The following FTO variants were observed in gnomAD, a reference collection of about 807,000 sequenced individuals.
FTO encodes FTO alpha-ketoglutarate dependent dioxygenase.
FTO carries 47 observed loss-of-function variants against 63.9 expected under a neutral mutation model. The observed-to-expected ratio is 0.74, with a 90% CI of 0.58 to 0.94. The LOEUF (loss-of-function observed/expected upper bound fraction) is 0.94. Ranked by LOEUF, FTO falls within the 40% of genes least tolerant of loss-of-function variation. The pLI, the probability that FTO is intolerant of heterozygous loss-of-function variation, is 0.00. For missense variants in FTO, 562 were observed against 618.1 expected (o/e 0.91, Z 0.96); for synonymous variants, 207 against 224.4 (o/e 0.92, Z 0.69).
intron 1 of FTO, chr16:53,711,421 C>G (rs2075774257): frequency 2.5e-6 from 1 of 398,458 alleles, no homozygotes; most frequent in South Asian, 1.3e-4. Flanking sequence ...ATGGCAGACA[C>G]AGTCCCATGG....
chr16:53,760,205 GGTGTGTGTGTGTGTGTGTGTGTGTGT>G (rs1173270081), intron 1 of FTO, among the ~76,000 whole-genome samples: 41 of 125,596 alleles, frequency 3.3e-4, no homozygotes, highest in African/African-American at 5.8e-4. Context: ...CTTCAGCTTT[GGTGTGTGTGTGTGTGTGTGTGTGTGT>G]GTGTGTGTGT....
At chr16:53,723,266 C>T (rs1191698826) in intron 1 of FTO, among the ~76,000 whole-genome samples, 1 of 152,166 alleles carries the variant, frequency 6.6e-6, no homozygotes, top group Admixed American at 6.5e-5. Context: ...CTGTCTGTAC[C>T]GTGGTTGACC....
chr16:54,093,641 A>T (rs1261575086), intron 8 of FTO, among the ~76,000 whole-genome samples: 1 of 151,686 alleles, frequency 6.6e-6, no homozygotes, highest in African/African-American at 2.4e-5. Context: ...TTGTTCCCAG[A>T]CTCCTCTATA....
chr16:54,040,274 G>A (rs1466430413), intron 8 of FTO: 3 of 151,998 alleles, frequency 2.0e-5, no homozygotes, highest in Non-Finnish European at 4.4e-5. Context: ...CCAAAAAAAG[G>A]TTTATCAGTG....
chr16:54,068,592 C>G (rs1794916033), intron 8 of FTO, among the ~76,000 whole-genome samples: 1 of 152,126 alleles, frequency 6.6e-6, no homozygotes, highest in African/African-American at 2.4e-5. Flanking sequence ...AACATTTGCC[C>G]CCAAAGAGAT....
At chr16:53,827,970 T>C (rs533835007) in intron 3 of FTO, among the ~76,000 whole-genome samples, 1 of 152,330 alleles carries the variant, frequency 6.6e-6, no homozygotes, top group African/African-American at 2.4e-5. Flanking sequence ...TCCCAATTAC[T>C]CTGAGCCCTC....
intron 6 of FTO, among the ~76,000 whole-genome samples, chr16:53,883,052 G>A (rs1328174974): frequency 6.6e-6 from 1 of 152,174 alleles, no homozygotes; most frequent in African/African-American, 2.4e-5. Context: ...TTATGGGCCT[G>A]ATGACCTCCC....
intron 1 of FTO, among the ~76,000 whole-genome samples, chr16:53,765,354 C>T (rs1211575731): frequency 2.5e-5 from 3 of 119,214 alleles, no homozygotes; most frequent in South Asian, 2.8e-4. Context: ...GTCAGGAGTT[C>T]GAGACCAGCC....
chr16:53,945,399 A>T (rs1195214216), intron 8 of FTO, among the ~76,000 whole-genome samples: 2 of 152,254 alleles, frequency 1.3e-5, no homozygotes, highest in Non-Finnish European at 2.9e-5. Flanking sequence ...AACAGCTAGT[A>T]AGTAGTGAAG....
chr16:54,104,375 CG>C lies in FTO; in HGVS notation c.1365-7386del, dbSNP rs374914230. Among the ~76,000 whole-genome samples the C allele has an allele frequency of 1.0e-4, 15 of 145,018 alleles. No homozygotes were observed. In the East Asian group the frequency reaches 2.9e-3, roughly 28 times the overall value. ...TCACCTAGGCTGGAGTGCAGCGGTT[CG>C]ATCTCGGCTCGCTGCAATCTCTGCC... On this transcript the variant is annotated intron_variant, in intron 8 of 8. Transcript: ENST00000471389.
intron 7 of FTO, among the ~76,000 whole-genome samples, chr16:53,918,611 T>A (rs2081938520): frequency 6.6e-6 from 1 of 152,178 alleles, no homozygotes; most frequent in Non-Finnish European, 1.5e-5. Flanking sequence ...TAAATCAAAA[T>A]CAACCCTAAA....
At chr16:54,001,968 A>G (rs62035808) in intron 8 of FTO, among the ~76,000 whole-genome samples, 2,762 of 152,240 alleles carry the variant, frequency 0.018, 50 homozygotes, top group South Asian at 0.059. Flanking sequence ...GGGCCAGATG[A>G]TTAGTCACAT....
chr16:53,884,606 AGAAAAGTAGGT>A (rs530634389), intron 6 of FTO, among the ~76,000 whole-genome samples: 1 of 152,342 alleles, frequency 6.6e-6, no homozygotes, highest in South Asian at 2.1e-4. Flanking sequence ...ACTTGGTAGA[AGAAAAGTAGGT>A]GACGTTTGCT....
At chr16:54,061,144 A>G (rs1251091961) in intron 8 of FTO, among the ~76,000 whole-genome samples, 5 of 152,154 alleles carry the variant, frequency 3.3e-5, no homozygotes, top group Non-Finnish European at 5.9e-5. Context: ...TTTATATTAG[A>G]TAAGGGAAGG....
intron 8 of FTO, among the ~76,000 whole-genome samples, chr16:54,026,328 A>C (rs1332930571): frequency 1.6e-4 from 25 of 152,052 alleles, no homozygotes; most frequent in Non-Finnish European, 1.5e-5. Flanking sequence ...CTAATGGCTC[A>C]CCTACATTAC....
intron 8 of FTO, among the ~76,000 whole-genome samples, chr16:54,032,745 C>T (rs2084860140): frequency 6.6e-6 from 1 of 152,130 alleles, no homozygotes; most frequent in South Asian, 2.1e-4. Flanking sequence ...CCCTAAATCT[C>T]ATGCTGAAGT....
At chr16:53,852,669 A>G (rs1415715483) in intron 4 of FTO, among the ~76,000 whole-genome samples, 3 of 152,250 alleles carry the variant, frequency 2.0e-5, no homozygotes, top group African/African-American at 2.4e-5. Flanking sequence ...GTAACTATCC[A>G]ACCTGCGCCA....
intron 3 of FTO, among the ~76,000 whole-genome samples, chr16:53,838,786 C>G (rs899743477): frequency 3.9e-5 from 6 of 151,922 alleles, no homozygotes; most frequent in Non-Finnish European, 8.8e-5. Context: ...TTGCAGTGAG[C>G]CAAGATCACG....
intron 8 of FTO, among the ~76,000 whole-genome samples, chr16:53,952,985 G>A (rs1163187769): frequency 6.6e-6 from 1 of 152,138 alleles, no homozygotes; most frequent in African/African-American, 2.4e-5. Context: ...AGGTGTTAAG[G>A]TATGGAGAAA....
Sources: gnomAD v4.1 joint callset for allele counts (sites outside exome capture counted in the v4.1 genomes callset) on GRCh38, gnomAD v4.1.1 for gene constraint, MANE v1.5 for transcripts, NCBI Gene and HGNC (gene_info 2026-07-23, HGNC 2026-07-21) for gene names.